Variants in ADAT2 observed in about 807,000 individuals in gnomAD.
ADAT2 encodes the protein adenosine deaminase tRNA specific 2, also known as tRNA-specific adenosine-34 deaminase catalytic subunit ADAT2.
ADAT2 carries 26 observed loss-of-function variants against 25.9 expected under a neutral mutation model. The ratio of observed to expected loss-of-function variants is 1.00; its 90% CI spans 0.74 to 1.39. ADAT2 has a LOEUF of 1.39. ADAT2 is among the 40% of genes most tolerant of loss of function. The probability of loss-of-function intolerance (pLI) is 0.00; values close to 1 mark genes in which losing one functional copy is unlikely to be tolerated. For synonymous variants in ADAT2, 76 were observed against 86.8 expected (o/e 0.88, Z 0.69); for missense variants, 220 against 244.8 (o/e 0.90, Z 0.68).
Position 143,446,814 on chromosome 6 carries a change from G to A in ADAT2, c.96+3749C>T, listed in dbSNP as rs566892850. Among the ~76,000 whole-genome samples the A allele has an allele frequency of 1.3e-5, 2 of 152,168 alleles. No homozygotes were observed. Among genetic ancestry groups the A allele is most frequent in the African/African-American group, 4.8e-5 (2 of 41,496 alleles). ...CAGCTTCAATATCCCATCTGAAAAT[G>A]AGGACCATAATAATACTCACCTGAT... On this transcript the variant is annotated intron_variant, in intron 1 of 5. Coordinates refer to ENST00000237283, the MANE Select transcript of ADAT2 (RefSeq NM_182503.3). This position sits in a 1 kb window ranked among gnomAD's most constrained non-coding sequence, Gnocchi z 5.0.
chr6:143,428,439 C>T lies in ADAT2; in HGVS notation c.*24G>A. The T allele has an allele frequency of 6.2e-7, 1 of 1,611,766 alleles. No individual in the cohort carries two copies. Among genetic ancestry groups the T allele is most frequent in the African/African-American group, 1.3e-5 (1 of 74,934 alleles). On this transcript the variant is annotated 3_prime_UTR_variant, in exon 6 of 6. Transcript: ENST00000237283. The surrounding 1 kb of genome is among the most constrained non-coding windows in gnomAD (Gnocchi z 5.0). ...ATCTTGTCCAGGTCACTTTGGGTCACTTGGTTCTTTCATCAGAACATGTTC... is the reference window on the plus strand; with the variant it reads ...ATCTTGTCCAGGTCACTTTGGGTCATTTGGTTCTTTCATCAGAACATGTTC...
At chr6:143,443,942 T>C (rs1375111797) in intron 1 of ADAT2, among the ~76,000 whole-genome samples, 1 of 151,702 alleles carries the variant, frequency 6.6e-6, no homozygotes, top group African/African-American at 2.4e-5. Context: ...CTACATTGGC[T>C]ATGTGGGCCA....
chr6:143,438,727 T>C, intron 1 of ADAT2, 33 bp from the exon 2 acceptor site: 1 of 1,529,316 alleles, frequency 6.5e-7, no homozygotes, highest in Non-Finnish European at 9.1e-7. Context: ...TAAGACGTAA[T>C]ACTCCATACT....
intron 2 of ADAT2, among the ~76,000 whole-genome samples, chr6:143,435,710 T>A (rs1275733819): frequency 6.6e-6 from 1 of 152,230 alleles, no homozygotes. Context: ...TGTTTTAATA[T>A]CCTCTTAATA....
intron 1 of ADAT2, among the ~76,000 whole-genome samples, chr6:143,443,719 T>G (rs953558268): frequency 6.6e-6 from 1 of 151,528 alleles, no homozygotes; most frequent in Non-Finnish European, 1.5e-5. Context: ...TAATCCTAGC[T>G]ACTTGGGAGG....
chr6:143,446,551 C>T lies in ADAT2; in HGVS notation c.96+4012G>A, dbSNP rs1034305312. On this transcript the variant is annotated intron_variant, in intron 1 of 5. Transcript: ENST00000237283. This position sits in a 1 kb window ranked among gnomAD's most constrained non-coding sequence, Gnocchi z 5.0. ...ATTACAAAATTGGGGAAAGTATATG[C>T]CTCGGCAATTCACAGAAGAAAAAAA... Among the ~76,000 whole-genome samples, 14 of 152,072 alleles carry T rather than the reference C, an allele frequency of 9.2e-5. No individual in the cohort carries two copies. The highest frequency in any genetic ancestry group is 3.1e-4 in the African/African-American group (13 of 41,464).
At position 143,426,173 on chromosome 6, in the gene ADAT2, C is replaced by T. The variant is rs1006699426; in HGVS notation, c.*2290G>A. Reference sequence around the variant, plus strand: ...TCTTTCAGCTGGTGTCTTGGACAGGCACTATCAGTATCAATCAATGGAATT... The same window carrying T: ...TCTTTCAGCTGGTGTCTTGGACAGGTACTATCAGTATCAATCAATGGAATT... On this transcript the variant is annotated 3_prime_UTR_variant, in exon 6 of 6. Transcript: ENST00000237283. The surrounding 1 kb of genome is among the most constrained non-coding windows in gnomAD (Gnocchi z 4.1). 3.3e-5 allele frequency: 5 copies of T among 152,180 alleles called. No individual in the cohort carries two copies. Among genetic ancestry groups the T allele is most frequent in the Non-Finnish European group, 7.3e-5 (5 of 68,048 alleles). The allele number at this position is 152,180 out of a possible 1,614,324, so 9.4% of individuals were successfully genotyped here.
At chr6:143,448,076 G>A (rs755252997) in intron 1 of ADAT2, among the ~76,000 whole-genome samples, 10 of 151,906 alleles carry the variant, frequency 6.6e-5, no homozygotes, top group African/African-American at 9.7e-5. Context: ...CATAAAAAAG[G>A]ATGAGTTCAT....
Position 143,442,707 on chromosome 6 carries a change from C to G in ADAT2, c.97-4013G>C, listed in dbSNP as rs1306598216. 6.6e-6 allele frequency among the ~76,000 whole-genome samples: 1 copy of G among 151,978 alleles called. No individual in the cohort carries two copies. The highest frequency in any genetic ancestry group is 2.4e-5 in the African/African-American group (1 of 41,360). ...CAAAATGAAAGTTAAAAAATAAGTA[C>G]AGGTAAACAAAAAGGATTTTGCAAT... is the stretch of plus-strand genomic sequence containing the variant. On this transcript the variant is annotated intron_variant, in intron 1 of 5. Coordinates refer to ENST00000237283, the MANE Select transcript of ADAT2 (RefSeq NM_182503.3). The surrounding 1 kb of genome is among the most constrained non-coding windows in gnomAD (Gnocchi z 4.6).
In ADAT2 at chr6:143,440,974, GGAGA is replaced by G. The variant is rs1002723521; in HGVS notation, c.97-2284_97-2281del. On this transcript the variant is annotated intron_variant, in intron 1 of 5. Transcript: ENST00000237283. The surrounding 1 kb of genome is among the most constrained non-coding windows in gnomAD (Gnocchi z 4.5). ...GGCAAGAGGCGAAGTGATAACGGAAGGAGAGAGAGAGAGATTTGAAAATGCTGCA... is the reference window on the plus strand; with the variant it reads ...GGCAAGAGGCGAAGTGATAACGGAAGGAGAGAGAGATTTGAAAATGCTGCA... 2.0e-5 allele frequency among the ~76,000 whole-genome samples: 3 copies of G among 152,052 alleles called. No individual in the cohort carries two copies. The highest frequency in any genetic ancestry group is 7.2e-5 in the African/African-American group (3 of 41,402).
At chr6:143,449,032 G>T (rs186130537) in intron 1 of ADAT2, among the ~76,000 whole-genome samples, 1 of 151,456 alleles carries the variant, frequency 6.6e-6, no homozygotes, top group African/African-American at 2.4e-5. Flanking sequence ...TTCCTTCTTT[G>T]TATTTCCTTT....
chr6:143,432,760 A>T lies in ADAT2; in HGVS notation c.353-149T>A. 1.4e-6 allele frequency: 1 copy of T among 717,392 alleles called. No homozygotes were observed. The highest frequency in any genetic ancestry group is 1.7e-5 in the South Asian group (1 of 57,218). 44.4% of individuals were successfully genotyped at this position (717,392 alleles called of 1,614,324 possible). A position where few individuals can be genotyped will look rare whatever the true frequency, so the allele number is the denominator to read the frequency against. On this transcript the variant is annotated intron_variant, in intron 3 of 5. Coordinates refer to ENST00000237283, the MANE Select transcript of ADAT2 (RefSeq NM_182503.3). The surrounding 1 kb of genome is among the most constrained non-coding windows in gnomAD (Gnocchi z 4.4). Reference sequence around the variant, plus strand: ...GCTTAGGATTCGTCTTATAAACCATACAATCCAGCTACACAGAAGAAAAGG... The same window carrying T: ...GCTTAGGATTCGTCTTATAAACCATTCAATCCAGCTACACAGAAGAAAAGG...
At position 143,423,879 on chromosome 6, in the gene ADAT2, C is replaced by G. The variant is rs1778852517; in HGVS notation, c.*4584G>C. 6.6e-6 allele frequency: 1 copy of G among 152,132 alleles called. No individual in the cohort carries two copies. Among genetic ancestry groups the G allele is most frequent in the Admixed American group, 6.5e-5 (1 of 15,272 alleles). The allele number at this position is 152,132 out of a possible 1,614,324, so 9.4% of individuals were successfully genotyped here. The stretch of plus-strand genomic sequence containing the variant: ...CTAAAGCTGGGCTGTATAGGCCCAT[C>G]AAGAATGGGGGCCAAGGTGGAGGCC... On this transcript the variant is annotated 3_prime_UTR_variant, in exon 6 of 6. Coordinates refer to ENST00000237283, the MANE Select transcript of ADAT2 (RefSeq NM_182503.3).
Position 143,434,060 on chromosome 6 carries a change from C to A in ADAT2, c.202-79G>T. On this transcript the variant is annotated intron_variant, in intron 2 of 5. Transcript: ENST00000237283. The surrounding 1 kb of genome is among the most constrained non-coding windows in gnomAD (Gnocchi z 4.5). ...TTTACAAATATACAAAAACTAAGTA[C>A]AAAATATGCGCCTATCCTTTCTGCC... 1 of 1,545,960 alleles carries A rather than the reference C, an allele frequency of 6.5e-7. No homozygotes were observed. Among genetic ancestry groups the A allele is most frequent in the Non-Finnish European group, 8.8e-7 (1 of 1,136,156 alleles).
chr6:143,428,836 T>C lies in ADAT2; in HGVS notation c.460-152A>G. On this transcript the variant is annotated intron_variant, in intron 4 of 5. Transcript: ENST00000237283. The surrounding 1 kb of genome is among the most constrained non-coding windows in gnomAD (Gnocchi z 5.0). ...TAGTAACATGGGTAAGGAGGTACAC[T>C]TCCAAAAGATGTTTGATATATCATC... 1.4e-6 allele frequency: 1 copy of C among 691,020 alleles called. No homozygotes were observed. Among genetic ancestry groups the C allele is most frequent in the Non-Finnish European group, 2.4e-6 (1 of 420,156 alleles). The allele number at this position is 691,020 out of a possible 1,614,324, so 42.8% of individuals were successfully genotyped here. A position where few individuals can be genotyped will look rare whatever the true frequency, so the allele number is the denominator to read the frequency against.
chr6:143,439,605 C>T (rs559475211), intron 1 of ADAT2, among the ~76,000 whole-genome samples: 1 of 152,116 alleles, frequency 6.6e-6, no homozygotes, highest in Non-Finnish European at 1.5e-5. Context: ...TATATGATTC[C>T]TTTTGCACAA....
At position 143,428,600 on chromosome 6, in the gene ADAT2, C is replaced by A; in HGVS notation, c.532+12G>T. The A allele has an allele frequency of 1.9e-6, 3 of 1,613,808 alleles. No homozygotes were observed. The highest frequency in any genetic ancestry group is 2.5e-6 in the Non-Finnish European group (3 of 1,179,812). Reference sequence around the variant, plus strand: ...TTTAAGGGAAGGACATTATCCACAACAGAAAACTGACCATTTGGATTTTCT... The same window carrying A: ...TTTAAGGGAAGGACATTATCCACAAAAGAAAACTGACCATTTGGATTTTCT... On this transcript the variant is annotated intron_variant, in intron 5 of 5. Coordinates refer to ENST00000237283, the MANE Select transcript of ADAT2 (RefSeq NM_182503.3). The surrounding 1 kb of genome is among the most constrained non-coding windows in gnomAD (Gnocchi z 5.0).
chr6:143,450,094 A>G (rs865902513), intron 1 of ADAT2, among the ~76,000 whole-genome samples: 10 of 152,176 alleles, frequency 6.6e-5, no homozygotes, highest in African/African-American at 2.2e-4. Flanking sequence ...GAGTGAGGGA[A>G]GGAAGTAAAA....
intron 4 of ADAT2, among the ~76,000 whole-genome samples, chr6:143,429,873 T>C (rs905048867): frequency 1.3e-5 from 2 of 152,172 alleles, no homozygotes; most frequent in African/African-American, 4.8e-5. Context: ...GACACCTGCA[T>C]AAACCTTCGC....
Sources: allele counts gnomAD v4.1 joint callset (sites outside exome capture counted in the v4.1 genomes callset), GRCh38; gene constraint gnomAD v4.1.1; non-coding constraint Gnocchi (gnomAD v3.1); transcripts MANE v1.5; gene names NCBI Gene and HGNC (gene_info 2026-07-23, HGNC 2026-07-21).